Variants in HPSE2 observed in about 807,000 individuals in gnomAD.
The protein encoded by HPSE2 is heparanase 2 (inactive).
In HPSE2, 38 loss-of-function variants were observed where a neutral mutation model predicts 60.5. The observed-to-expected ratio is 0.63, with a 90% CI of 0.48 to 0.82. The LOEUF (loss-of-function observed/expected upper bound fraction) is 0.82. Among genes scored for constraint, HPSE2 ranks in the 40% least tolerant of loss-of-function variants. The probability of loss-of-function intolerance (pLI) is 0.00; values close to 1 mark genes in which losing one functional copy is unlikely to be tolerated. For synonymous variants in HPSE2, 295 were observed against 293.2 expected (o/e 1.01, Z -0.06); for missense variants, 713 against 740.4 (o/e 0.96, Z 0.43).
At chr10:99,185,290 C>A (rs1467473581) in intron 2 of HPSE2, among the ~76,000 whole-genome samples, 1 of 150,876 alleles carries the variant, frequency 6.6e-6, no homozygotes, top group Non-Finnish European at 1.5e-5. Flanking sequence ...GGTGACAGAG[C>A]AAAGACTCTG....
chr10:98,875,562 T>C (rs1283855131), intron 3 of HPSE2, among the ~76,000 whole-genome samples: 1 of 151,386 alleles, frequency 6.6e-6, no homozygotes, highest in South Asian at 2.1e-4. Context: ...AAAAAAACCA[T>C]GACCAGATGG....
At chr10:99,056,672 G>A (rs781746839) in intron 3 of HPSE2, among the ~76,000 whole-genome samples, 14 of 152,030 alleles carry the variant, frequency 9.2e-5, no homozygotes, top group Non-Finnish European at 1.3e-4. Context: ...AAGAGCTAAA[G>A]CTATTACATG....
intron 3 of HPSE2, among the ~76,000 whole-genome samples, chr10:99,139,093 A>C (rs1845770175): frequency 1.3e-5 from 2 of 152,220 alleles, no homozygotes; most frequent in African/African-American, 4.8e-5. Context: ...ACCATGAAAT[A>C]CTACTCAGCC....
intron 6 of HPSE2, among the ~76,000 whole-genome samples, chr10:98,648,173 C>T (rs190022305): frequency 1.1e-4 from 17 of 152,272 alleles, no homozygotes; most frequent in East Asian, 9.7e-4. Context: ...TTGGGTCCTG[C>T]GCCTCAAGCC....
At chr10:98,790,260 T>G (rs1051294469) in intron 3 of HPSE2, among the ~76,000 whole-genome samples, 3 of 152,238 alleles carry the variant, frequency 2.0e-5, no homozygotes, top group African/African-American at 7.2e-5. Context: ...ATACCTTGGC[T>G]ATTGTAAATA....
chr10:98,952,623 A>G (rs1014448299), intron 3 of HPSE2, among the ~76,000 whole-genome samples: 2 of 152,166 alleles, frequency 1.3e-5, no homozygotes, highest in African/African-American at 2.4e-5. Flanking sequence ...TTGGGCTGCC[A>G]TAACAAAATA....
intron 5 of HPSE2, among the ~76,000 whole-genome samples, chr10:98,710,638 A>G (rs1365717149): frequency 6.6e-6 from 1 of 152,186 alleles, no homozygotes; most frequent in Non-Finnish European, 1.5e-5. Flanking sequence ...CAGATTATCT[A>G]TTTTACAACT....
chr10:98,511,126 T>C (rs1204194467), intron 9 of HPSE2, among the ~76,000 whole-genome samples: 1 of 25,536 alleles, frequency 3.9e-5, no homozygotes, highest in Non-Finnish European at 1.1e-4. Flanking sequence ...TTTAATGTGT[T>C]GCTGTTTTTT....
At chr10:99,239,922 C>T (rs894699600), upstream of HPSE2, among the ~76,000 whole-genome samples, 2 of 152,126 alleles carry the variant, frequency 1.3e-5, no homozygotes, top group African/African-American at 4.8e-5. Flanking sequence ...GGTGCAGTGG[C>T]TCACGCCTGT....
intron 3 of HPSE2, among the ~76,000 whole-genome samples, chr10:99,004,792 T>A (rs562524215): frequency 6.6e-6 from 1 of 152,172 alleles, no homozygotes; most frequent in African/African-American, 2.4e-5. Flanking sequence ...CCTTTCAACT[T>A]GAAGAACTAC....
chr10:99,232,214 T>C (rs1359231620), intron 2 of HPSE2, 134 bp downstream of exon 2: 30 of 898,352 alleles, frequency 3.3e-5, no homozygotes, highest in Middle Eastern at 3.3e-4. Context: ...CGCGCGCGCA[T>C]ACACACACAC....
At chr10:98,462,304 G>A (rs182970331) in intron 11 of HPSE2, among the ~76,000 whole-genome samples, 5 of 152,034 alleles carry the variant, frequency 3.3e-5, no homozygotes, top group East Asian at 3.9e-4. Context: ...TCATCCTCCC[G>A]AGTAGCTGGG....
intron 11 of HPSE2, among the ~76,000 whole-genome samples, chr10:98,472,458 CA>C (rs34677883): frequency 0.012 from 1,808 of 152,248 alleles, 14 homozygotes; most frequent in Non-Finnish European, 0.019. Flanking sequence ...TGATCTGCAC[CA>C]GGGGGGCCTT....
intron 3 of HPSE2, among the ~76,000 whole-genome samples, chr10:98,923,169 C>T (rs1329671827): frequency 6.6e-6 from 1 of 152,166 alleles, no homozygotes; most frequent in African/African-American, 2.4e-5. Context: ...TCAAGATATA[C>T]TAATCTAAGA....
At chr10:98,662,745 T>C (rs1483848381) in intron 6 of HPSE2, among the ~76,000 whole-genome samples, 1 of 152,204 alleles carries the variant, frequency 6.6e-6, no homozygotes, top group Non-Finnish European at 1.5e-5. Context: ...GAATGCACTT[T>C]GAGAAAACAA....
At chr10:99,012,675 T>A (rs1957044609) in intron 3 of HPSE2, among the ~76,000 whole-genome samples, 1 of 152,182 alleles carries the variant, frequency 6.6e-6, no homozygotes, top group African/African-American at 2.4e-5. Context: ...ATACTTCCCA[T>A]ATGTAACATA....
intron 3 of HPSE2, among the ~76,000 whole-genome samples, chr10:98,835,639 T>C (rs1951774089): frequency 6.6e-6 from 1 of 152,052 alleles, no homozygotes; most frequent in Non-Finnish European, 1.5e-5. Flanking sequence ...AGTTATGGAG[T>C]CACTTAATCC....
the HPSE2 span, among the ~76,000 whole-genome samples, chr10:99,306,524 A>G: frequency 6.6e-6 from 1 of 152,058 alleles, no homozygotes; most frequent in African/African-American, 2.4e-5. Context: ...TATGTGAATA[A>G]TATATCTTTT....
At chr10:99,091,658 A>G (rs1490823096) in intron 3 of HPSE2, among the ~76,000 whole-genome samples, 1 of 152,078 alleles carries the variant, frequency 6.6e-6, no homozygotes, top group African/African-American at 2.4e-5. Flanking sequence ...TCCATTCCCT[A>G]TTGTGGTACT....
Sources: allele counts gnomAD v4.1 joint callset (sites outside exome capture counted in the v4.1 genomes callset), GRCh38; gene constraint gnomAD v4.1.1; transcripts MANE v1.5; gene names NCBI Gene and HGNC (gene_info 2026-07-23, HGNC 2026-07-21).